The following MPV17L2 variants were observed in gnomAD, a reference collection of about 807,000 sequenced individuals.
The protein encoded by MPV17L2 is mpv17-like protein 2.
A neutral mutation model predicts 24.2 loss-of-function variants in MPV17L2; 25 were observed. The ratio of observed to expected loss-of-function variants is 1.03; its 90% CI spans 0.75 to 1.44. The LOEUF is 1.44. MPV17L2 is among the 40% of genes most tolerant of loss of function. The probability of loss-of-function intolerance (pLI) is 0.00; values close to 1 mark genes in which losing one functional copy is unlikely to be tolerated. For missense variants in MPV17L2, 271 were observed against 276.2 expected (o/e 0.98, Z 0.13); for synonymous variants, 130 against 121.4 (o/e 1.07, Z -0.46).
At chr19:18,193,668 C>G (rs1967462952) in intron 1 of MPV17L2, 196 bp from the exon 2 acceptor site, 12 of 1,430,580 alleles carry the variant, frequency 8.4e-6, no homozygotes, top group Non-Finnish European at 1.0e-5. Context: ...GCCCACTACC[C>G]AGGAGCCTCT....
intron 1 of MPV17L2, 40 bp from the exon 2 acceptor site, chr19:18,193,824 T>C: frequency 6.2e-7 from 1 of 1,606,462 alleles, no homozygotes; most frequent in Non-Finnish European, 8.5e-7. Context: ...ACTGAGGAAC[T>C]TGCCGGCCCG....
At chr19:18,195,703 G>T (rs1208294248) in intron 4 of MPV17L2, among the ~76,000 whole-genome samples, 1 of 152,140 alleles carries the variant, frequency 6.6e-6, no homozygotes, top group Non-Finnish European at 1.5e-5. Flanking sequence ...CGGGCGTGGT[G>T]GCGGGCGCCT....
Position 18,193,469 on chromosome 19 carries a change from G to C in MPV17L2, c.187+1G>C. On this transcript the variant is annotated splice_donor_variant, in intron 1 of 4. Coordinates refer to ENST00000599612, the MANE Select transcript of MPV17L2 (RefSeq NM_032683.3). LOFTEE classifies it high-confidence loss of function. The stretch of plus-strand genomic sequence containing the variant: ...CAGGTTTTCGACCCACGGCGCTCCG[G>C]TGAGGACGCCACGCTGCTTAGTCCT... 1 of 1,516,318 alleles carries C rather than the reference G, an allele frequency of 6.6e-7. No homozygotes were observed. The allele number at this position is 1,516,318 out of a possible 1,614,324, so 93.9% of individuals were successfully genotyped here.
Position 18,194,849 on chromosome 19 carries a change from A to G in MPV17L2, c.431A>G (p.Tyr144Cys), listed in dbSNP as rs374882868. 3.7e-6 allele frequency: 6 copies of G among 1,605,128 alleles called. No individual in the cohort carries two copies. The highest frequency in any genetic ancestry group is 2.7e-5 in the African/African-American group (2 of 74,716). ...CTGCGGGAGAAGTTCTGGGAATTCT[A>G]CAAGGTGGGAGCACCCGCCCCTTGC... The part of the protein sequence containing the change: ...QELREKFWEF[Y>C]KADWCVWPAA... The change falls in exon 3 of 5, where the codon TAC becomes TGC. Residue 144 changes from tyrosine to cysteine, a missense_variant. Tyr to Cys is a radical substitution (Grantham distance 194). Coordinates refer to ENST00000599612, the MANE Select transcript of MPV17L2 (RefSeq NM_032683.3).
rs537110215 is a variant in MPV17L2, at chr19:18,193,715, A to C, written c.188-149A>C. On this transcript the variant is annotated intron_variant, in intron 1 of 4. Coordinates refer to ENST00000599612, the MANE Select transcript of MPV17L2 (RefSeq NM_032683.3). Reference sequence around the variant, plus strand: ...TCCTGGTGGGGCTTGTAGTGGAAGAATGCACGGGTGGGCTCTTCCGGTTTT... The same window carrying C: ...TCCTGGTGGGGCTTGTAGTGGAAGACTGCACGGGTGGGCTCTTCCGGTTTT... The C allele has an allele frequency of 8.2e-6, 12 of 1,459,450 alleles. No homozygotes were observed. In the African/African-American group the frequency reaches 1.7e-4, roughly 21 times the overall value. The allele number at this position is 1,459,450 out of a possible 1,614,324, so 90.4% of individuals were successfully genotyped here.
chr19:18,195,053 C>A lies in MPV17L2; in HGVS notation c.531C>A (p.Gly177=). Residue 177 remains glycine, a synonymous_variant, in exon 4 of 5, where the codon GGC becomes GGA. Transcript: ENST00000599612. ...CCTACATCAACGGCCTGACGCTGGG[C>A]TGGGACACGTACCTGTCCTACTTGA... ...RVTYINGLTL[G]WDTYLSYLKY... The A allele has an allele frequency of 6.2e-7, 1 of 1,614,182 alleles. No homozygotes were observed. The highest frequency in any genetic ancestry group is 1.3e-5 in the African/African-American group (1 of 75,048).
At chr19:18,194,246 C>T (rs954011873) in intron 2 of MPV17L2, 2 of 584,778 alleles carry the variant, frequency 3.4e-6, no homozygotes, top group African/African-American at 1.9e-5. Flanking sequence ...TCTGTTGGGG[C>T]TGCCCTGGGC....
intron 1 of MPV17L2, 140 bp downstream of exon 1, chr19:18,193,608 T>C (rs1222450503): frequency 7.1e-7 from 1 of 1,405,688 alleles, no homozygotes; most frequent in African/African-American, 1.5e-5. Flanking sequence ...CGGGTGTCTG[T>C]CTCCCCGCAG....
At position 18,196,042 on chromosome 19, in the gene MPV17L2, C is replaced by T. The variant is rs745367693; in HGVS notation, c.608C>T (p.Thr203Ile). Residue 203 changes from threonine to isoleucine, a missense_variant, in exon 5 of 5, where the codon ACC (threonine) becomes ATC (isoleucine). Transcript: ENST00000599612. ...LTPPGCVALD[T>I]RAD ...CCCCCAGGCTGTGTGGCCCTGGACA[C>T]CCGAGCAGACTGAACTGTCTGCTTC... 1.9e-6 allele frequency: 3 copies of T among 1,613,852 alleles called. No homozygotes were observed. The highest frequency in any genetic ancestry group is 1.3e-5 in the African/African-American group (1 of 74,912).
intron 2 of MPV17L2, 73 bp downstream of exon 2, chr19:18,194,107 G>A (rs948167522): frequency 1.3e-6 from 2 of 1,511,108 alleles, no homozygotes; most frequent in Non-Finnish European, 1.8e-6. Context: ...GTGTTAAGAA[G>A]GATGCAGAGG....
At chr19:18,194,934 CT>C in intron 3 of MPV17L2, 23 bp from the exon 4 acceptor site, 1 of 1,608,658 alleles carries the variant, frequency 6.2e-7, no homozygotes. Context: ...GGCCCCGCCC[CT>C]CATCCCCCGC....
At chr19:18,195,773 C>T (rs1967506496) in intron 4 of MPV17L2, among the ~76,000 whole-genome samples, 1 of 151,376 alleles carries the variant, frequency 6.6e-6, no homozygotes. Flanking sequence ...GGCAGCGAAG[C>T]TTGCAGTGAG....
rs913439901 is a variant in MPV17L2, at chr19:18,194,978, T to C, written c.456T>C (p.Pro152=). The change falls in exon 4 of 5, where the codon CCT becomes CCC. Residue 152 remains proline, a synonymous_variant. Transcript: ENST00000599612. Reference sequence around the variant, plus strand: ...CGCAGGCAGACTGGTGCGTGTGGCCTGCTGCGCAGTTCGTGAACTTCCTCT... The same window carrying C: ...CGCAGGCAGACTGGTGCGTGTGGCCCGCTGCGCAGTTCGTGAACTTCCTCT... ...EFYKADWCVW[P]AAQFVNFLFV... is the part of the protein sequence containing the mutation. 1 of 1,609,908 alleles carries C rather than the reference T, an allele frequency of 6.2e-7. No individual in the cohort carries two copies. Among genetic ancestry groups the C allele is most frequent in the African/African-American group, 1.4e-5 (1 of 73,988 alleles).
At chr19:18,195,319 G>C (rs965867477) in intron 4 of MPV17L2, among the ~76,000 whole-genome samples, 1 of 152,078 alleles carries the variant, frequency 6.6e-6, no homozygotes, top group Non-Finnish European at 1.5e-5. Context: ...GCCGAAGCGG[G>C]TGGATCGCCT....
rs1967522092 is a variant in MPV17L2, at chr19:18,196,490, C to G, written c.*435C>G. 1 of 1,256,814 alleles carries G rather than the reference C, an allele frequency of 8.0e-7. No homozygotes were observed. Among genetic ancestry groups the G allele is most frequent in the African/African-American group, 1.5e-5 (1 of 65,138 alleles). 77.9% of individuals were successfully genotyped at this position (1,256,814 alleles called of 1,614,324 possible). ...GCAGGCTCAGGCCTGGAGTCGGCCC[C>G]CAAAAGTTTCACATAGGGCCAGGCA... On this transcript the variant is annotated 3_prime_UTR_variant, in exon 5 of 5. Coordinates refer to ENST00000599612, the MANE Select transcript of MPV17L2 (RefSeq NM_032683.3).
At chr19:18,193,609 C>G in intron 1 of MPV17L2, 141 bp downstream of exon 1, 1 of 1,404,868 alleles carries the variant, frequency 7.1e-7, no homozygotes, top group East Asian at 2.6e-5. Context: ...GGGTGTCTGT[C>G]TCCCCGCAGC....
Position 18,194,002 on chromosome 19 carries a change from C to T in MPV17L2, c.326C>T (p.Ala109Val). ...LKKVLVDQLV[A>V]SPLLGVWYFL... ...AAGGTCCTCGTGGATCAGCTGGTAGCCTCTCCATTGCTGGGCGTCTGGTAC... is the reference window on the plus strand; with the variant it reads ...AAGGTCCTCGTGGATCAGCTGGTAGTCTCTCCATTGCTGGGCGTCTGGTAC... Residue 109 changes from alanine (A) to valine (V), a missense_variant, in exon 2 of 5, where the codon GCC (alanine) becomes GTC (valine). By Grantham distance (64) the Ala-to-Val change is moderately conservative. Transcript: ENST00000599612. 1 of 1,614,236 alleles carries T rather than the reference C, an allele frequency of 6.2e-7. No individual in the cohort carries two copies. The highest frequency in any genetic ancestry group is 1.3e-5 in the African/African-American group (1 of 75,084).
Position 18,193,315 on chromosome 19 carries a change from C to G in MPV17L2, c.34C>G (p.Leu12Val). The G allele has an allele frequency of 6.4e-7, 1 of 1,553,828 alleles. No homozygotes were observed. Among genetic ancestry groups the G allele is most frequent in the Non-Finnish European group, 8.6e-7 (1 of 1,156,512 alleles). The change falls in exon 1 of 5, where the codon CTG becomes GTG. Residue 12 changes from leucine (L) to valine (V), a missense_variant. Coordinates refer to ENST00000599612, the MANE Select transcript of MPV17L2 (RefSeq NM_032683.3). ...ARGGWRRLRR[L>V]LSAGQLLFQG... ...GGGTGGCTGGCGCCGGCTACGCCGC[C>G]TGTTATCCGCGGGGCAGCTTCTATT...
Position 18,193,498 on chromosome 19 carries a change from C to T in MPV17L2, c.187+30C>T, listed in dbSNP as rs768391419. The T allele has an allele frequency of 2.8e-6, 4 of 1,452,618 alleles. No homozygotes were observed. In the South Asian group the frequency reaches 4.3e-5, roughly 16 times the overall value. 90.0% of individuals were successfully genotyped at this position (1,452,618 alleles called of 1,614,324 possible). On this transcript the variant is annotated intron_variant, in intron 1 of 4. Transcript: ENST00000599612. ...GGACGCCACGCTGCTTAGTCCTTCA[C>T]CCCGGGCGACCTTTGATCCCGACAC...
Sources: allele counts gnomAD v4.1 joint callset (sites outside exome capture counted in the v4.1 genomes callset), GRCh38; gene constraint gnomAD v4.1.1; transcripts MANE v1.5; gene names NCBI Gene and HGNC (gene_info 2026-07-23, HGNC 2026-07-21).